The following CCDC152 variants were observed in gnomAD, a reference collection of about 807,000 sequenced individuals.
The protein encoded by CCDC152 is coiled-coil domain-containing protein 152.
A neutral mutation model predicts 38.1 loss-of-function variants in CCDC152; 37 were observed. The observed-to-expected ratio is 0.97, with a 90% CI of 0.75 to 1.28. The LOEUF is 1.28. CCDC152 is among the 50% of genes most tolerant of loss of function. CCDC152 has a pLI of 0.00. For missense variants in CCDC152, 259 were observed against 292.1 expected (o/e 0.89, Z 0.83); for synonymous variants, 83 against 87.1 (o/e 0.95, Z 0.26).
At chr5:42,773,775 T>TA (rs1450572919) in intron 4 of CCDC152, among the ~76,000 whole-genome samples, 2 of 152,202 alleles carry the variant, frequency 1.3e-5, no homozygotes, top group African/African-American at 4.8e-5. Flanking sequence ...GAAAGTCTGT[T>TA]AGACTTGAAA....
chr5:42,757,776 G>A (rs1759500115), intron 1 of CCDC152, among the ~76,000 whole-genome samples: 1 of 152,130 alleles, frequency 6.6e-6, no homozygotes, highest in African/African-American at 2.4e-5. Context: ...TTTGGGGGAA[G>A]GAGTTGAGAG....
chr5:42,762,321 A>AT lies in CCDC152; in HGVS notation c.88-115dup, dbSNP rs374710546. 2.8e-5 allele frequency: 17 copies of AT among 602,592 alleles called. 2 individuals carry two copies. The highest frequency in any genetic ancestry group is 2.4e-4 in the African/African-American group (13 of 53,684). 37.3% of individuals were successfully genotyped at this position (602,592 alleles called of 1,614,324 possible). ...TTATGCAGTACATGACTGTATATGT[A>AT]TTTTTTTATTAGACTATCAGATATT... On this transcript the variant is annotated intron_variant, in intron 2 of 8. Coordinates refer to ENST00000361970, the MANE Select transcript of CCDC152 (RefSeq NM_001134848.2).
At chr5:42,773,042 A>T (rs903327654) in intron 4 of CCDC152, among the ~76,000 whole-genome samples, 1 of 152,222 alleles carries the variant, frequency 6.6e-6, no homozygotes, top group African/African-American at 2.4e-5. Flanking sequence ...TCTGGTTGTT[A>T]TAAGACTGTA....
At chr5:42,786,550 G>T (rs138560793) in intron 6 of CCDC152, among the ~76,000 whole-genome samples, 1 of 152,154 alleles carries the variant, frequency 6.6e-6, no homozygotes, top group East Asian at 1.9e-4. Flanking sequence ...TCTAGCAAGT[G>T]ATCTATCACT....
chr5:42,771,082 G>A (rs1759692242), intron 4 of CCDC152, among the ~76,000 whole-genome samples: 1 of 152,104 alleles, frequency 6.6e-6, no homozygotes, highest in Non-Finnish European at 1.5e-5. Context: ...TGATTTGGAT[G>A]CCCTTTATGT....
chr5:42,787,656 A>G (rs1759940445), intron 6 of CCDC152, among the ~76,000 whole-genome samples: 1 of 139,532 alleles, frequency 7.2e-6, no homozygotes, highest in South Asian at 2.2e-4. Context: ...TTAGGTAATT[A>G]TATAGTAGTT....
At chr5:42,760,706 A>G (rs1229897252) in intron 2 of CCDC152, among the ~76,000 whole-genome samples, 1 of 152,192 alleles carries the variant, frequency 6.6e-6, no homozygotes, top group East Asian at 1.9e-4. Context: ...CAGCACACAC[A>G]CACACAAATG....
At chr5:42,797,208 A>T (rs1400015147) in intron 7 of CCDC152, among the ~76,000 whole-genome samples, 1 of 152,080 alleles carries the variant, frequency 6.6e-6, no homozygotes, top group Non-Finnish European at 1.5e-5. Flanking sequence ...TTTAGGGAGG[A>T]TATTGCTTCC....
intron 1 of CCDC152, among the ~76,000 whole-genome samples, chr5:42,757,294 G>A (rs150480703): frequency 2.5e-4 from 38 of 152,278 alleles, no homozygotes; most frequent in Non-Finnish European, 3.7e-4. Flanking sequence ...GAGGTGAGGA[G>A]GAAAGAGGAG....
intron 4 of CCDC152, among the ~76,000 whole-genome samples, chr5:42,770,338 T>C (rs889975207): frequency 6.6e-6 from 1 of 152,210 alleles, no homozygotes; most frequent in Non-Finnish European, 1.5e-5. Context: ...ATATGTGAGA[T>C]AAAATATTGA....
In CCDC152 at chr5:42,790,891, C is replaced by T. The variant is rs144534176; in HGVS notation, c.431-5938C>T. On this transcript the variant is annotated intron_variant, in intron 6 of 8. Coordinates refer to ENST00000361970, the MANE Select transcript of CCDC152 (RefSeq NM_001134848.2). ...AAAACAGGGAGTCAATTATGCTCTC[C>T]GAAATTGGAGATCTAATAGGTGCAT... is the stretch of plus-strand genomic sequence containing the variant. 9.2e-5 allele frequency among the ~76,000 whole-genome samples: 14 copies of T among 152,184 alleles called. 2 individuals carry two copies. Among genetic ancestry groups the T allele is most frequent in the African/African-American group, 2.9e-4 (12 of 41,520 alleles).
At chr5:42,797,757 A>G (rs1487863417) in intron 7 of CCDC152, among the ~76,000 whole-genome samples, 1 of 152,154 alleles carries the variant, frequency 6.6e-6, no homozygotes, top group African/African-American at 2.4e-5. Flanking sequence ...GGAAGAATAT[A>G]TATCCTGGGG....
chr5:42,772,784 T>G (rs1561274511), intron 4 of CCDC152, among the ~76,000 whole-genome samples: 1 of 152,240 alleles, frequency 6.6e-6, no homozygotes, highest in East Asian at 1.9e-4. Flanking sequence ...AGATAAGAAC[T>G]ATCTATATTT....
intron 5 of CCDC152, among the ~76,000 whole-genome samples, chr5:42,781,025 A>G (rs887035672): frequency 1.3e-5 from 2 of 152,202 alleles, no homozygotes; most frequent in Non-Finnish European, 2.9e-5. Context: ...CAACCCAGAT[A>G]GAATAGTCTT....
In CCDC152 at chr5:42,799,762, T is replaced by C. The variant is rs774632855; in HGVS notation, c.746T>C (p.Leu249Pro). The C allele has an allele frequency of 4.5e-6, 7 of 1,551,044 alleles. No individual in the cohort carries two copies. The highest frequency in any genetic ancestry group is 8.7e-7 in the Non-Finnish European group (1 of 1,146,818). The change falls in exon 9 of 9, where the codon CTT (leucine) becomes CCT (proline). Residue 249 changes from leucine to proline, a missense_variant. Physicochemically the swap from Leu to Pro is moderately conservative, Grantham distance 98 (BLOSUM62 -3). Transcript: ENST00000361970. ...CTTTCTGTTGGCAAAGATTCTCACC[T>C]TAAGCGTAGACGGTTTTGAGCTTAG... ...QRLSVGKDSH[L>P]KRRRF
chr5:42,782,830 C>T (rs1341161676), intron 5 of CCDC152, among the ~76,000 whole-genome samples: 1 of 151,868 alleles, frequency 6.6e-6, no homozygotes, highest in East Asian at 1.9e-4. Flanking sequence ...TCATGTTGTA[C>T]ATCATAAATA....
chr5:42,777,250 G>T (rs1759779387), intron 4 of CCDC152, among the ~76,000 whole-genome samples: 2 of 151,988 alleles, frequency 1.3e-5, no homozygotes, highest in South Asian at 4.1e-4. Flanking sequence ...TTCATTAAGA[G>T]GATAATAAAG....
rs781508107 is a variant in CCDC152, at chr5:42,800,851, T to C, written c.*1070T>C. On this transcript the variant is annotated 3_prime_UTR_variant, in exon 9 of 9. Transcript: ENST00000361970. The stretch of plus-strand genomic sequence containing the variant: ...AAACGTCACTGACAAGATTCAGTTA[T>C]GTTCTCCTCTGCCCGAAGTCCCTGT... 8.1e-6 allele frequency: 13 copies of C among 1,614,084 alleles called. No individual in the cohort carries two copies. The Admixed American group carries it at 1.5e-4, about 19-fold the overall frequency.
At chr5:42,768,582 G>C (rs550497762) in intron 3 of CCDC152, among the ~76,000 whole-genome samples, 2 of 152,322 alleles carry the variant, frequency 1.3e-5, no homozygotes, top group East Asian at 3.9e-4. Context: ...TGGCAGCACA[G>C]TTGCTGAAGC....
Sources: allele counts gnomAD v4.1 joint callset (sites outside exome capture counted in the v4.1 genomes callset), GRCh38; gene constraint gnomAD v4.1.1; transcripts MANE v1.5; gene names NCBI Gene and HGNC (gene_info 2026-07-23, HGNC 2026-07-21).